PLA2G6: variants seen among roughly 807,000 people sequenced by gnomAD.
The protein encoded by PLA2G6 is 85/88 kDa calcium-independent phospholipase A2.
Under a neutral mutation model 83.8 loss-of-function variants are expected in PLA2G6, and 62 were observed. The ratio of observed to expected loss-of-function variants is 0.74; its 90% confidence interval spans 0.60 to 0.91. PLA2G6 has a LOEUF of 0.91. Ranked by LOEUF, PLA2G6 falls within the 40% of genes least tolerant of loss-of-function variation. The pLI, the probability that PLA2G6 is intolerant of heterozygous loss-of-function variation, is 0.00. For missense variants in PLA2G6, 944 were observed against 1,102.0 expected (o/e 0.86, Z 2.03); for synonymous variants, 417 against 449.8 (o/e 0.93, Z 0.92).
Position 38,128,177 on chromosome 22 carries a change from G to A in PLA2G6, c.1348+92C>T, listed in dbSNP as rs188536071. On this transcript the variant is annotated intron_variant, in intron 9 of 16. Coordinates refer to ENST00000332509, the MANE Select transcript of PLA2G6 (RefSeq NM_003560.4). This position sits in a 1 kb window ranked among gnomAD's most constrained non-coding sequence, Gnocchi z 4.4. ...TCCCCGGCTTCCTTTAGTGACTTCCGTCCTAGGGATCCTGTTGCTTTGGTG... is the reference window on the plus strand; with the variant it reads ...TCCCCGGCTTCCTTTAGTGACTTCCATCCTAGGGATCCTGTTGCTTTGGTG... The A allele has an allele frequency of 5.9e-4, 823 of 1,390,430 alleles. 8 individuals carry two copies. The African/African-American group carries it at 9.7e-3, about 16-fold the overall frequency. The allele number at this position is 1,390,430 out of a possible 1,614,324, so 86.1% of individuals were successfully genotyped here.
At chr22:38,114,734 G>A (rs1164504962) in intron 14 of PLA2G6, among the ~76,000 whole-genome samples, 3 of 152,164 alleles carry the variant, frequency 2.0e-5, no homozygotes, top group Non-Finnish European at 4.4e-5. Context: ...CTGGGGCTTC[G>A]GGAAACCACA....
rs565073323 is a variant in PLA2G6, at chr22:38,115,831, ACT to A, written c.1880-152_1880-151del. 2.3e-5 allele frequency: 34 copies of A among 1,475,730 alleles called. No homozygotes were observed. The South Asian group carries it at 3.5e-4, about 15-fold the overall frequency. The allele number at this position is 1,475,730 out of a possible 1,614,324, so 91.4% of individuals were successfully genotyped here. A position where few individuals can be genotyped will look rare whatever the true frequency, so the allele number is the denominator to read the frequency against. On this transcript the variant is annotated intron_variant, in intron 13 of 16. Coordinates refer to ENST00000332509, the MANE Select transcript of PLA2G6 (RefSeq NM_003560.4). ...TCAGAAGCAGGACCCACGAAGCCAC[ACT>A]CTCTGGCTAGTTCGTCCTGGTGGAA...
At chr22:38,157,004 T>C (rs2089809257) in intron 2 of PLA2G6, among the ~76,000 whole-genome samples, 1 of 152,124 alleles carries the variant, frequency 6.6e-6, no homozygotes, top group South Asian at 2.1e-4. Flanking sequence ...GTTGTACCTA[T>C]AAGCACCTAC....
chr22:38,127,494 G>C (rs1239619968), intron 9 of PLA2G6: 2 of 1,233,706 alleles, frequency 1.6e-6, no homozygotes, highest in Non-Finnish European at 2.2e-6. Flanking sequence ...GAGGTGGAGG[G>C]GGAGTTCCTG....
intron 3 of PLA2G6, chr22:38,144,631 TCAAAAA>T (rs2089131445): frequency 2.2e-5 from 1 of 45,862 alleles, no homozygotes; most frequent in African/African-American, 9.2e-5. Context: ...AGACTCCGTC[TCAAAAA>T]AAAAAAAAAA....
chr22:38,116,851 C>CAAAAAAA (rs57712042), intron 12 of PLA2G6, among the ~76,000 whole-genome samples: 12 of 37,656 alleles, frequency 3.2e-4, no homozygotes, highest in South Asian at 1.8e-3. Context: ...AACTCCGTCT[C>CAAAAAAA]AAAAAAAAAA....
intron 2 of PLA2G6, chr22:38,147,433 A>G (rs985459970): frequency 3.0e-5 from 5 of 169,158 alleles, no homozygotes; most frequent in African/African-American, 1.2e-4. Context: ...CTGTTGTTCC[A>G]CAGAGAGTGC....
chr22:38,174,360 T>C (rs2090551613), intron 1 of PLA2G6, among the ~76,000 whole-genome samples: 5 of 152,002 alleles, frequency 3.3e-5, no homozygotes, highest in Admixed American at 3.3e-4. Context: ...ATCATGTCAC[T>C]GCACTCCAGC....
At chr22:38,164,675 G>C (rs904326721) in intron 2 of PLA2G6, among the ~76,000 whole-genome samples, 1 of 152,194 alleles carries the variant, frequency 6.6e-6, no homozygotes, top group Non-Finnish European at 1.5e-5. Flanking sequence ...GCAGCTCACT[G>C]CAGCAACAGC....
At chr22:38,177,963 C>G (rs915768791) in intron 1 of PLA2G6, among the ~76,000 whole-genome samples, 1 of 152,176 alleles carries the variant, frequency 6.6e-6, no homozygotes, top group African/African-American at 2.4e-5. Flanking sequence ...GCTTGCTCAA[C>G]AGGCTCTTAG....
intron 2 of PLA2G6, chr22:38,148,612 G>C (rs1226217822): frequency 1.4e-6 from 1 of 711,540 alleles, no homozygotes; most frequent in Non-Finnish European, 2.6e-6. Flanking sequence ...ACAGGGACTG[G>C]AGCCCAGGCG....
chr22:38,132,115 G>A lies in PLA2G6; in HGVS notation c.1077+716C>T, dbSNP rs559754357. ...GGGCGACAGTGCGAGACTCCATCTCGAAAAAAAAGAATACATGCACACACA... is the reference window on the plus strand; with the variant it reads ...GGGCGACAGTGCGAGACTCCATCTCAAAAAAAAAGAATACATGCACACACA... On this transcript the variant is annotated intron_variant, in intron 7 of 16. Transcript: ENST00000332509. The surrounding 1 kb of genome is among the most constrained non-coding windows in gnomAD (Gnocchi z 5.0). The A allele has an allele frequency of 6.5e-4, 295 of 454,254 alleles. No homozygotes were observed. The highest frequency in any genetic ancestry group is 5.4e-3 in the African/African-American group (268 of 49,868). The allele number at this position is 454,254 out of a possible 1,614,324, so 28.1% of individuals were successfully genotyped here. A position where few individuals can be genotyped will look rare whatever the true frequency, so the allele number is the denominator to read the frequency against.
intron 1 of PLA2G6, among the ~76,000 whole-genome samples, chr22:38,180,140 GACACACACACACACACACACAC>G (rs133028): frequency 1.7e-3 from 228 of 137,914 alleles, no homozygotes; most frequent in African/African-American, 5.7e-3. Context: ...GATGTCTGCA[GACACACACACACACACACACAC>G]ACACACACAC....
rs575946154 is a variant in PLA2G6, at chr22:38,126,803, G to A, written c.1349-354C>T. On this transcript the variant is annotated intron_variant, in intron 9 of 16. Transcript: ENST00000332509. The stretch of plus-strand genomic sequence containing the variant: ...CAGACAAAGTGCTTCTTCTTGCATC[G>A]GAGCCGATGCTGCAATAACCACCTG... 6 of 357,052 alleles carry A rather than the reference G, an allele frequency of 1.7e-5. No individual in the cohort carries two copies. In the East Asian group the frequency reaches 2.0e-4, roughly 12 times the overall value. The allele number at this position is 357,052 out of a possible 1,614,324, so 22.1% of individuals were successfully genotyped here. A position where few individuals can be genotyped will look rare whatever the true frequency, so the allele number is the denominator to read the frequency against.
At chr22:38,135,146 GC>G in intron 5 of PLA2G6, 62 bp from the exon 6 acceptor site, 1 of 1,154,118 alleles carries the variant, frequency 8.7e-7, no homozygotes, top group Non-Finnish European at 1.3e-6. Flanking sequence ...GTGGGATGAA[GC>G]CAGGACTTGG....
chr22:38,176,766 G>A (rs893014853), intron 1 of PLA2G6, among the ~76,000 whole-genome samples: 3 of 152,112 alleles, frequency 2.0e-5, no homozygotes, highest in Non-Finnish European at 2.9e-5. Context: ...AGCCGGGCGC[G>A]GTGGCTCACA....
chr22:38,154,433 T>C (rs577732343), intron 2 of PLA2G6, among the ~76,000 whole-genome samples: 1 of 152,186 alleles, frequency 6.6e-6, no homozygotes, highest in Non-Finnish European at 1.5e-5. Context: ...GGGGAGAAAG[T>C]AAGGGAAGAG....
intron 11 of PLA2G6, among the ~76,000 whole-genome samples, chr22:38,121,763 CT>C (rs2087540595): frequency 6.6e-6 from 1 of 152,210 alleles, no homozygotes; most frequent in Admixed American, 6.5e-5. Flanking sequence ...GGACGTGGCC[CT>C]TTTGGAGAAG....
intron 2 of PLA2G6, among the ~76,000 whole-genome samples, chr22:38,164,881 G>A (rs1038893492): frequency 1.3e-5 from 2 of 152,088 alleles, no homozygotes; most frequent in Admixed American, 1.3e-4. Context: ...CAGACCGCAG[G>A]GTGTTGAGAG....
Sources: gnomAD v4.1 joint callset for allele counts (sites outside exome capture counted in the v4.1 genomes callset) on GRCh38, gnomAD v4.1.1 for gene constraint, Gnocchi (gnomAD v3.1) non-coding constraint, MANE v1.5 for transcripts, NCBI Gene and HGNC (gene_info 2026-07-23, HGNC 2026-07-21) for gene names.